SMYD3: variants seen among roughly 807,000 people sequenced by gnomAD.
The protein encoded by SMYD3 is histone-lysine N-methyltransferase SMYD3.
A neutral mutation model predicts 57.7 loss-of-function variants in SMYD3; 36 were observed. The ratio of observed to expected loss-of-function variants is 0.62; its 90% CI spans 0.48 to 0.82. The LOEUF (loss-of-function observed/expected upper bound fraction) is 0.82, where lower values mean the gene tolerates loss of function less well. Ranked by LOEUF, SMYD3 falls within the 40% of genes least tolerant of loss-of-function variation. SMYD3 has a pLI of 0.00. For missense variants in SMYD3, 515 were observed against 538.8 expected, an observed-to-expected ratio of 0.96 and a Z score of 0.44; for synonymous variants, 211 against 195.0, an observed-to-expected ratio of 1.08 and a Z score of -0.68.
intron 10 of SMYD3, among the ~76,000 whole-genome samples, chr1:245,858,017 A>G (rs1357527287): frequency 6.6e-6 from 1 of 152,202 alleles, no homozygotes; most frequent in Non-Finnish European, 1.5e-5. Context: ...TTATGAAGGC[A>G]AATGATTCAA....
chr1:246,497,767 G>A (rs2068386408), intron 1 of SMYD3, among the ~76,000 whole-genome samples: 1 of 152,060 alleles, frequency 6.6e-6, no homozygotes, highest in Admixed American at 6.5e-5. Flanking sequence ...TCTGGAGGCT[G>A]AGGAGGGAGG....
chr1:245,823,613 A>G (rs2049304684), intron 10 of SMYD3, among the ~76,000 whole-genome samples: 1 of 152,348 alleles, frequency 6.6e-6, no homozygotes, highest in Middle Eastern at 3.4e-3. Context: ...AAGCTCTCAC[A>G]GTTCCAACTT....
intron 8 of SMYD3, among the ~76,000 whole-genome samples, chr1:245,882,577 A>G (rs999700455): frequency 1.3e-5 from 2 of 152,216 alleles, no homozygotes; most frequent in Non-Finnish European, 2.9e-5. Flanking sequence ...GAAGTCTCTC[A>G]GTCAACAATT....
intron 10 of SMYD3, among the ~76,000 whole-genome samples, chr1:245,794,508 A>G (rs1447849876): frequency 6.6e-6 from 1 of 152,148 alleles, no homozygotes; most frequent in East Asian, 1.9e-4. Flanking sequence ...GTGTATTTAC[A>G]TTTCTTTGTA....
intron 10 of SMYD3, among the ~76,000 whole-genome samples, chr1:245,775,624 C>T (rs2817489): frequency 0.23 from 34,717 of 150,242 alleles, 4,992 homozygotes; most frequent in East Asian, 0.48. Context: ...CTTTGTTCAC[C>T]TGTTTATCTG....
intron 1 of SMYD3, among the ~76,000 whole-genome samples, chr1:246,440,443 T>C (rs979824338): frequency 6.6e-6 from 1 of 152,180 alleles, no homozygotes; most frequent in African/African-American, 2.4e-5. Flanking sequence ...CCCACTACAC[T>C]GATATGCAAA....
At chr1:245,871,539 G>A (rs1447487215) in intron 8 of SMYD3, among the ~76,000 whole-genome samples, 1 of 152,196 alleles carries the variant, frequency 6.6e-6, no homozygotes, top group African/African-American at 2.4e-5. Flanking sequence ...GTTGAAGCAC[G>A]ATCAAATTGT....
At chr1:246,280,300 G>A (rs1213850693) in intron 5 of SMYD3, among the ~76,000 whole-genome samples, 6 of 152,134 alleles carry the variant, frequency 3.9e-5, no homozygotes, top group Non-Finnish European at 7.4e-5. Flanking sequence ...ACCAAGTAAC[G>A]AACATCAAAG....
chr1:245,866,363 CTTT>C (rs57157717), intron 8 of SMYD3, among the ~76,000 whole-genome samples: 1 of 148,830 alleles, frequency 6.7e-6, no homozygotes, highest in Non-Finnish European at 1.5e-5. Context: ...CATAGGTGCA[CTTT>C]TTTTTTTTAA....
chr1:246,413,529 G>C lies in SMYD3; in HGVS notation c.165-58435C>G, dbSNP rs187266053. On this transcript the variant is annotated intron_variant, in intron 1 of 11. Coordinates refer to ENST00000490107, the MANE Select transcript of SMYD3 (RefSeq NM_001167740.2). ...TCCCCACCAAATCTCACGCTGAATT[G>C]TAATCCCCAGGGTTGGAGGTGGGGC... is the stretch of plus-strand genomic sequence containing the variant. Among the ~76,000 whole-genome samples the C allele has an allele frequency of 1.4e-4, 22 of 152,280 alleles. 2 individuals carry two copies. The highest frequency in any genetic ancestry group is 5.3e-4 in the African/African-American group (22 of 41,554).
intron 1 of SMYD3, 60 bp downstream of exon 1, chr1:246,506,994 C>CCCCCCCCA: frequency 3.4e-6 from 3 of 894,060 alleles, no homozygotes; most frequent in Non-Finnish European, 1.5e-6. Context: ...CCGACGCCCC[C>CCCCCCCCA]CCCTCCCCAG....
chr1:246,347,047 T>A (rs1447383959), intron 2 of SMYD3, among the ~76,000 whole-genome samples: 1 of 152,094 alleles, frequency 6.6e-6, no homozygotes, highest in Non-Finnish European at 1.5e-5. Context: ...CTTTGATATC[T>A]TATTGGCAGA....
In SMYD3 at chr1:246,203,791, C is replaced by T. The variant is rs563314928; in HGVS notation, c.531+123410G>A. 1.8e-4 allele frequency among the ~76,000 whole-genome samples: 27 copies of T among 152,338 alleles called. No homozygotes were observed. The highest frequency in any genetic ancestry group is 6.2e-4 in the South Asian group (3 of 4,828). ...CTTCTCCTGGGTTTCTCACTTGCTC[C>T]TGGCTCTTCTACCTCAGTCAATAAC... is the stretch of plus-strand genomic sequence containing the variant. On this transcript the variant is annotated intron_variant, in intron 5 of 11. Transcript: ENST00000490107. The surrounding 1 kb of genome is among the most constrained non-coding windows in gnomAD (Gnocchi z 4.6).
At chr1:246,042,496 G>A (rs766086938) in intron 5 of SMYD3, among the ~76,000 whole-genome samples, 10 of 152,090 alleles carry the variant, frequency 6.6e-5, no homozygotes, top group East Asian at 1.9e-4. Context: ...CAGTGGCACC[G>A]GTCTGCTCTT....
At chr1:246,486,423 T>C (rs952614639) in intron 1 of SMYD3, among the ~76,000 whole-genome samples, 9 of 152,146 alleles carry the variant, frequency 5.9e-5, no homozygotes, top group Admixed American at 3.9e-4. Flanking sequence ...AGGCCAAAAG[T>C]GAAAAATTGA....
Position 246,355,193 on chromosome 1 carries a change from G to C in SMYD3, c.165-99C>G. 3 of 1,191,544 alleles carry C rather than the reference G, an allele frequency of 2.5e-6. No individual in the cohort carries two copies. The highest frequency in any genetic ancestry group is 3.7e-6 in the Non-Finnish European group (3 of 808,778). 73.8% of individuals were successfully genotyped at this position (1,191,544 alleles called of 1,614,324 possible). A position where few individuals can be genotyped will look rare whatever the true frequency, so the allele number is the denominator to read the frequency against. On this transcript the variant is annotated intron_variant, in intron 1 of 11. Coordinates refer to ENST00000490107, the MANE Select transcript of SMYD3 (RefSeq NM_001167740.2). This position sits in a 1 kb window ranked among gnomAD's most constrained non-coding sequence, Gnocchi z 5.0. ...TAAGTCAACATACGGACACCCGTAT[G>C]TTCTGTTTACTCCATTATGTACAGT...
At chr1:246,437,498 C>T (rs2067397795) in intron 1 of SMYD3, among the ~76,000 whole-genome samples, 1 of 152,192 alleles carries the variant, frequency 6.6e-6, no homozygotes, top group Admixed American at 6.5e-5. Context: ...TGCCCTATAA[C>T]CTCAGCAATC....
At chr1:246,287,639 A>C (rs1005343600) in intron 5 of SMYD3, among the ~76,000 whole-genome samples, 4 of 152,186 alleles carry the variant, frequency 2.6e-5, no homozygotes, top group African/African-American at 9.7e-5. Context: ...AAGTATAGTA[A>C]TTAGATTTGG....
intron 5 of SMYD3, chr1:245,947,326 A>C: frequency 2.2e-6 from 1 of 455,518 alleles, no homozygotes; most frequent in South Asian, 1.6e-5. Context: ...TGAATGTCAC[A>C]GTATTTGCAG....
Sources: allele counts gnomAD v4.1 joint callset (sites outside exome capture counted in the v4.1 genomes callset), GRCh38; gene constraint gnomAD v4.1.1; non-coding constraint Gnocchi (gnomAD v3.1); transcripts MANE v1.5; gene names NCBI Gene and HGNC (gene_info 2026-07-23, HGNC 2026-07-21).